Variants in VAV2 observed in about 807,000 individuals in gnomAD.
The protein encoded by VAV2 is vav guanine nucleotide exchange factor 2.
A neutral mutation model predicts 132.5 loss-of-function variants in VAV2; 67 were observed. The ratio of observed to expected loss-of-function variants is 0.51; its 90% CI spans 0.42 to 0.62. The LOEUF (loss-of-function observed/expected upper bound fraction) is 0.62, where lower values mean the gene tolerates loss of function less well. Ranked by LOEUF, VAV2 falls within the 20% of genes least tolerant of loss-of-function variation. VAV2 has a pLI of 0.00. For synonymous variants in VAV2, 492 were observed against 443.5 expected, an observed-to-expected ratio of 1.11 and a Z score of -1.37; for missense variants, 938 against 1,153.6, an observed-to-expected ratio of 0.81 and a Z score of 2.71.
intron 1 of VAV2, among the ~76,000 whole-genome samples, chr9:133,973,413 G>A (rs13292451): frequency 0.27 from 40,470 of 152,082 alleles, 5,781 homozygotes; most frequent in Middle Eastern, 0.35. Flanking sequence ...CATGACCCCC[G>A]GGCAGGACTG....
At chr9:133,864,514 G>C (rs1036832797) in intron 2 of VAV2, among the ~76,000 whole-genome samples, 1 of 152,200 alleles carries the variant, frequency 6.6e-6, no homozygotes, top group Non-Finnish European at 1.5e-5. Flanking sequence ...ACCATGGCCT[G>C]CTCTGACCTC....
Position 133,883,839 on chromosome 9 carries a change from A to C in VAV2, c.322-22407T>G, listed in dbSNP as rs1376928372. ...CCACAGGTGACTAGCAACTTTGCTTAAATTGATTCTAGTAGGCCCGGTGTG... is the reference window on the plus strand; with the variant it reads ...CCACAGGTGACTAGCAACTTTGCTTCAATTGATTCTAGTAGGCCCGGTGTG... On this transcript the variant is annotated intron_variant, in intron 2 of 29. Transcript: ENST00000371850. This position sits in a 1 kb window ranked among gnomAD's most constrained non-coding sequence, Gnocchi z 4.2. 6.6e-6 allele frequency among the ~76,000 whole-genome samples: 1 copy of C among 152,210 alleles called. No individual in the cohort carries two copies.
chr9:133,824,192 G>A lies in VAV2; in HGVS notation c.449+10080C>T, dbSNP rs1321579493. Among the ~76,000 whole-genome samples the A allele has an allele frequency of 6.6e-6, 1 of 152,160 alleles. No individual in the cohort carries two copies. Among genetic ancestry groups the A allele is most frequent in the East Asian group, 1.9e-4 (1 of 5,166 alleles). Reference sequence around the variant, plus strand: ...CCAGCCCCACAGGGAAGTGCTGATGGCTCTGTTAACAGGGAAGGTGCGGAC... The same window carrying A: ...CCAGCCCCACAGGGAAGTGCTGATGACTCTGTTAACAGGGAAGGTGCGGAC... On this transcript the variant is annotated intron_variant, in intron 4 of 29. Transcript: ENST00000371850. This position sits in a 1 kb window ranked among gnomAD's most constrained non-coding sequence, Gnocchi z 5.2.
intron 1 of VAV2, among the ~76,000 whole-genome samples, chr9:133,950,916 C>A (rs1475147421): frequency 6.6e-6 from 1 of 152,142 alleles, no homozygotes; most frequent in Non-Finnish European, 1.5e-5. Context: ...TTGGACAATC[C>A]AACTCCAGAC....
intron 13 of VAV2, 61 bp downstream of exon 13, chr9:133,791,722 C>CT: frequency 1.4e-6 from 2 of 1,458,634 alleles, no homozygotes; most frequent in Non-Finnish European, 9.6e-7. Flanking sequence ...GGGCTGTGAA[C>CT]GTGACTTTAT....
chr9:133,844,131 C>T (rs1288990639), intron 3 of VAV2, among the ~76,000 whole-genome samples: 3 of 152,226 alleles, frequency 2.0e-5, no homozygotes, highest in African/African-American at 4.8e-5. Context: ...TGCTCGGTCC[C>T]CTGCCCCCTC....
At chr9:133,880,999 C>T (rs1477502289) in intron 2 of VAV2, among the ~76,000 whole-genome samples, 1 of 152,146 alleles carries the variant, frequency 6.6e-6, no homozygotes, top group African/African-American at 2.4e-5. Context: ...CAGGTGCTCC[C>T]GGGGGCAGCA....
chr9:133,804,900 C>T lies in VAV2; in HGVS notation c.836+1181G>A, dbSNP rs1835074516. Among the ~76,000 whole-genome samples the T allele has an allele frequency of 6.6e-6, 1 of 152,216 alleles. No homozygotes were observed. The highest frequency in any genetic ancestry group is 6.5e-5 in the Admixed American group (1 of 15,286). On this transcript the variant is annotated intron_variant, in intron 9 of 29. Coordinates refer to ENST00000371850, the MANE Select transcript of VAV2 (RefSeq NM_001134398.2). This position sits in a 1 kb window ranked among gnomAD's most constrained non-coding sequence, Gnocchi z 4.5. ...CCTGGTCCCCTCTGCCACTGGACCA[C>T]AAGCACTGCCTGCTCCCTCGTGTCT...
intron 13 of VAV2, among the ~76,000 whole-genome samples, chr9:133,789,722 C>G (rs574419978): frequency 6.6e-6 from 1 of 152,316 alleles, no homozygotes; most frequent in African/African-American, 2.4e-5. Context: ...AGAGAACAAA[C>G]AGCGCCTATC....
chr9:133,860,835 G>A (rs1360397260), intron 3 of VAV2, among the ~76,000 whole-genome samples: 1 of 152,184 alleles, frequency 6.6e-6, no homozygotes, highest in Non-Finnish European at 1.5e-5. Flanking sequence ...CCCCATCCAA[G>A]TGTCAGAAGC....
chr9:133,981,042 T>C (rs991562441), intron 1 of VAV2, among the ~76,000 whole-genome samples: 4 of 152,192 alleles, frequency 2.6e-5, no homozygotes, highest in African/African-American at 9.6e-5. Flanking sequence ...CTGTTGACCC[T>C]GCCAACAGCA....
At chr9:133,955,345 G>A (rs1216627963) in intron 1 of VAV2, among the ~76,000 whole-genome samples, 1 of 151,558 alleles carries the variant, frequency 6.6e-6, no homozygotes, top group East Asian at 1.9e-4. Flanking sequence ...TGCGGAAGCT[G>A]AGTCGGAAGC....
rs369191096 is a variant in VAV2 at position 133,866,801 on chromosome 9, G to A, written c.322-5369C>T. ...AACCTGGGCAACAGAGCAAGACTCC[G>A]TCTCAAAAAAAAAAAAAAAAAGAGG... On this transcript the variant is annotated intron_variant, in intron 2 of 29. Coordinates refer to ENST00000371850, the MANE Select transcript of VAV2 (RefSeq NM_001134398.2). Among the ~76,000 whole-genome samples the A allele has an allele frequency of 8.6e-4, 115 of 133,276 alleles. 2 individuals carry two copies. In the South Asian group the frequency reaches 0.026, roughly 30 times the overall value. The allele number at this position is 133,276 out of a possible 152,430, so 87.4% of individuals were successfully genotyped here.
intron 2 of VAV2, among the ~76,000 whole-genome samples, chr9:133,869,084 C>T (rs896916456): frequency 6.6e-6 from 1 of 151,998 alleles, no homozygotes; most frequent in Non-Finnish European, 1.5e-5. Flanking sequence ...GCAACCTCTG[C>T]CTCCCGGGCT....
intron 6 of VAV2, 82 bp downstream of exon 6, chr9:133,810,109 C>G (rs1457262698): frequency 6.3e-7 from 1 of 1,598,034 alleles, no homozygotes; most frequent in Admixed American, 1.7e-5. Flanking sequence ...CGAGTTTTCT[C>G]AGAGAGGTCT....
intron 13 of VAV2, among the ~76,000 whole-genome samples, chr9:133,790,777 C>T (rs533114991): frequency 9.9e-5 from 15 of 152,146 alleles, no homozygotes; most frequent in Non-Finnish European, 1.3e-4. Context: ...GGTGCTTTTC[C>T]GTGCCCCACG....
intron 16 of VAV2, 68 bp downstream of exon 16, chr9:133,787,178 G>A (rs1834260530): frequency 1.4e-6 from 2 of 1,474,084 alleles, no homozygotes; most frequent in Non-Finnish European, 9.1e-7. Flanking sequence ...CCTGGCTCCG[G>A]GCAGAAGTGC....
intron 2 of VAV2, among the ~76,000 whole-genome samples, chr9:133,871,285 TG>T (rs1838027881): frequency 7.0e-6 from 1 of 143,042 alleles, no homozygotes; most frequent in African/African-American, 2.7e-5. Flanking sequence ...AGTGGGTGGG[TG>T]GATGGATAAG....
chr9:133,952,606 G>GC (rs1554816803), intron 1 of VAV2, among the ~76,000 whole-genome samples: 3 of 148,470 alleles, frequency 2.0e-5, no homozygotes, highest in Non-Finnish European at 4.5e-5. Context: ...CTGTCTCGGG[G>GC]AAAAAAAAAA....
Sources: allele counts gnomAD v4.1 joint callset (sites outside exome capture counted in the v4.1 genomes callset), GRCh38; gene constraint gnomAD v4.1.1; non-coding constraint Gnocchi (gnomAD v3.1); transcripts MANE v1.5; gene names NCBI Gene and HGNC (gene_info 2026-07-23, HGNC 2026-07-21).